AGBL4: variants seen among roughly 807,000 people sequenced by gnomAD.
AGBL4 encodes the protein AGBL carboxypeptidase 4.
AGBL4 carries 58 observed loss-of-function variants against 66.4 expected under a neutral mutation model. That is an observed-to-expected ratio of 0.87 (90% CI 0.71 to 1.09). The LOEUF (loss-of-function observed/expected upper bound fraction) is 1.09. AGBL4 is among the 50% of genes least tolerant of loss of function. AGBL4 has a pLI of 0.00. For synonymous variants in AGBL4, 234 were observed against 222.9 expected (o/e 1.05, Z -0.44); for missense variants, 579 against 631.0 (o/e 0.92, Z 0.88).
chr1:49,369,434 A>G (rs930228159), intron 3 of AGBL4, among the ~76,000 whole-genome samples: 11 of 152,194 alleles, frequency 7.2e-5, no homozygotes, highest in Non-Finnish European at 1.3e-4. Context: ...GTATGAAACA[A>G]TCATTTTCAG....
chr1:49,685,945 G>A (rs1448428695), intron 3 of AGBL4, among the ~76,000 whole-genome samples: 1 of 152,044 alleles, frequency 6.6e-6, no homozygotes, highest in Non-Finnish European at 1.5e-5. Flanking sequence ...AATTGCTTTT[G>A]GAGTATTTGT....
At chr1:49,045,307 T>C (rs562681561) in intron 5 of AGBL4, among the ~76,000 whole-genome samples, 2 of 152,328 alleles carry the variant, frequency 1.3e-5, no homozygotes, top group South Asian at 4.1e-4. Context: ...TAGAGAGCTT[T>C]ATCAGCTTCA....
chr1:48,668,875 T>C (rs904682755), intron 6 of AGBL4, among the ~76,000 whole-genome samples: 1 of 152,064 alleles, frequency 6.6e-6, no homozygotes, highest in East Asian at 1.9e-4. Flanking sequence ...AATATATAGG[T>C]TTAGGAGATA....
chr1:49,828,297 A>C lies in AGBL4; in HGVS notation c.157+23099T>G, dbSNP rs186166823. ...TATTGTAAGAAAGGCAGATAAACAA[A>C]TAAAAAAGCAAGTAGCATATGAAAA... is the stretch of plus-strand genomic sequence containing the variant. On this transcript the variant is annotated intron_variant, in intron 2 of 13. Transcript: ENST00000371839. Among the ~76,000 whole-genome samples, 208 of 152,378 alleles carry C rather than the reference A, an allele frequency of 1.4e-3. 1 individual carries two copies. The highest frequency in any genetic ancestry group is 4.8e-3 in the African/African-American group (198 of 41,602).
intron 4 of AGBL4, among the ~76,000 whole-genome samples, chr1:49,096,282 G>A (rs1204809019): frequency 3.3e-5 from 5 of 152,052 alleles, no homozygotes; most frequent in Admixed American, 6.6e-5. Flanking sequence ...TCAGTGTGGC[G>A]ATTCCTCAGG....
chr1:48,967,676 G>C (rs924045597), intron 5 of AGBL4, among the ~76,000 whole-genome samples: 5 of 152,124 alleles, frequency 3.3e-5, no homozygotes. Context: ...GGATGAGTGA[G>C]CATTTTCCAG....
intron 4 of AGBL4, among the ~76,000 whole-genome samples, chr1:49,046,080 C>G (rs756797240): frequency 6.6e-6 from 1 of 152,156 alleles, no homozygotes; most frequent in African/African-American, 2.4e-5. Context: ...TTATTTTGAG[C>G]ACTTAACATA....
chr1:49,709,221 T>C (rs1435365710), intron 2 of AGBL4, among the ~76,000 whole-genome samples: 1 of 152,212 alleles, frequency 6.6e-6, no homozygotes, highest in African/African-American at 2.4e-5. Flanking sequence ...AGCCCCCGAC[T>C]GGGGCTGCTG....
chr1:49,126,307 G>A (rs1645763131), intron 4 of AGBL4, among the ~76,000 whole-genome samples: 1 of 152,096 alleles, frequency 6.6e-6, no homozygotes, highest in South Asian at 2.1e-4. Context: ...AGAAAATAGA[G>A]AAAATTGCCA....
chr1:49,006,500 A>C lies in AGBL4; in HGVS notation c.594+39084T>G, dbSNP rs1289476706. Among the ~76,000 whole-genome samples, 7 of 152,304 alleles carry C rather than the reference A, an allele frequency of 4.6e-5. No individual in the cohort carries two copies. The East Asian group carries it at 9.7e-4, about 21-fold the overall frequency. On this transcript the variant is annotated intron_variant, in intron 5 of 13. Coordinates refer to ENST00000371839, the MANE Select transcript of AGBL4 (RefSeq NM_032785.4). ...TGCTTAGGTAAACAAAGCAGCGGGG[A>C]AGCTCGAACTGGGTGGAGCCCACCA... is the stretch of plus-strand genomic sequence containing the variant.
intron 1 of AGBL4, among the ~76,000 whole-genome samples, chr1:50,013,443 TATA>T (rs1353287143): frequency 6.6e-6 from 1 of 152,210 alleles, no homozygotes; most frequent in Non-Finnish European, 1.5e-5. Context: ...CATCCAGCTG[TATA>T]ATATGTGTGA....
At chr1:49,848,759 G>C (rs921280250) in intron 2 of AGBL4, among the ~76,000 whole-genome samples, 1 of 152,020 alleles carries the variant, frequency 6.6e-6, no homozygotes, top group Admixed American at 6.6e-5. Context: ...TTACCACTAC[G>C]CAATATATCA....
intron 3 of AGBL4, among the ~76,000 whole-genome samples, chr1:49,376,599 T>A (rs1020283479): frequency 1.3e-5 from 2 of 152,102 alleles, no homozygotes; most frequent in Non-Finnish European, 2.9e-5. Flanking sequence ...AAACCTGAAC[T>A]AATATTTGTA....
chr1:49,575,665 G>C (rs1466530522), intron 3 of AGBL4, among the ~76,000 whole-genome samples: 5 of 152,220 alleles, frequency 3.3e-5, no homozygotes, highest in Non-Finnish European at 4.4e-5. Context: ...TGCAGCTGCT[G>C]TACCATATGT....
chr1:49,557,168 C>T (rs917105993), intron 3 of AGBL4, among the ~76,000 whole-genome samples: 1 of 152,122 alleles, frequency 6.6e-6, no homozygotes, highest in African/African-American at 2.4e-5. Flanking sequence ...AGTGCAGAGG[C>T]GGGCTGAAGT....
chr1:49,246,449 A>C (rs1190648142), intron 3 of AGBL4, among the ~76,000 whole-genome samples: 2 of 151,944 alleles, frequency 1.3e-5, no homozygotes, highest in Non-Finnish European at 1.5e-5. Flanking sequence ...GAACTGAAGG[A>C]TATACATCCT....
intron 3 of AGBL4, among the ~76,000 whole-genome samples, chr1:49,359,691 T>C (rs1364106766): frequency 1.3e-5 from 2 of 152,044 alleles, no homozygotes; most frequent in African/African-American, 2.4e-5. Flanking sequence ...AAATATCACA[T>C]TGTGATCACA....
At chr1:49,896,608 AACACACACACACACACACACACACAC>A (rs58132063) in intron 1 of AGBL4, among the ~76,000 whole-genome samples, 16 of 133,802 alleles carry the variant, frequency 1.2e-4, no homozygotes, top group Admixed American at 1.1e-3. Flanking sequence ...GACCCATGAA[AACACACACACACACACACACACACAC>A]ACACACACAC....
intron 5 of AGBL4, among the ~76,000 whole-genome samples, chr1:49,043,677 A>G (rs1339392117): frequency 6.6e-6 from 1 of 152,208 alleles, no homozygotes; most frequent in East Asian, 1.9e-4. Context: ...AATTCAAAAT[A>G]TATAGGCAAC....
Sources: allele counts gnomAD v4.1 joint callset (sites outside exome capture counted in the v4.1 genomes callset), GRCh38; gene constraint gnomAD v4.1.1; transcripts MANE v1.5; gene names NCBI Gene and HGNC (gene_info 2026-07-23, HGNC 2026-07-21).